CACNB4: variants seen among roughly 807,000 people sequenced by gnomAD.
The protein encoded by CACNB4 is voltage-dependent L-type calcium channel subunit beta-4.
Under a neutral mutation model 71.2 loss-of-function variants are expected in CACNB4, and 32 were observed. That is an observed-to-expected ratio of 0.45 (90% CI 0.34 to 0.60). The LOEUF (loss-of-function observed/expected upper bound fraction) is 0.60. Ranked by LOEUF, CACNB4 falls within the 20% of genes least tolerant of loss-of-function variation. The pLI, the probability that CACNB4 is intolerant of heterozygous loss-of-function variation, is 0.01. For synonymous variants in CACNB4, 231 were observed against 236.9 expected (o/e 0.97, Z 0.23); for missense variants, 464 against 647.9 (o/e 0.72, Z 3.08).
rs1487765044 is a variant in CACNB4 at position 152,098,892 on chromosome 2, G to T, written c.63+57C>A. 2 of 1,270,102 alleles carry T rather than the reference G, an allele frequency of 1.6e-6. No homozygotes were observed. Among genetic ancestry groups the T allele is most frequent in the Non-Finnish European group, 2.1e-6 (2 of 932,882 alleles). The allele number at this position is 1,270,102 out of a possible 1,614,324, so 78.7% of individuals were successfully genotyped here. A position where few individuals can be genotyped will look rare whatever the true frequency, so the allele number is the denominator to read the frequency against. On this transcript the variant is annotated intron_variant, in intron 1 of 13. Transcript: ENST00000539935. The surrounding 1 kb of genome is among the most constrained non-coding windows in gnomAD (Gnocchi z 5.3). ...GAAGGCGGGGCGCGCTAGGGCGGCG[G>T]AGGAGGTGTGAGGAAGGAAGAGGAG...
At chr2:152,016,719 A>G (rs1364242786) in intron 2 of CACNB4, among the ~76,000 whole-genome samples, 1 of 152,238 alleles carries the variant, frequency 6.6e-6, no homozygotes, top group African/African-American at 2.4e-5. Context: ...CTCAGGCACA[A>G]ATGTGGCTAG....
chr2:151,951,967 A>AAC (rs2099867010), intron 2 of CACNB4, among the ~76,000 whole-genome samples: 1 of 152,196 alleles, frequency 6.6e-6, no homozygotes, highest in South Asian at 2.1e-4. Flanking sequence ...TCTGGGTATG[A>AAC]ACATCAATTC....
chr2:152,029,503 AAAAAAAAAG>A (rs1351174704), intron 2 of CACNB4, among the ~76,000 whole-genome samples: 17 of 120,250 alleles, frequency 1.4e-4, no homozygotes, highest in East Asian at 1.2e-3. Context: ...CAAAAAAAAA[AAAAAAAAAG>A]AAAAGAAAAG....
At chr2:152,029,511 A>T in intron 2 of CACNB4, among the ~76,000 whole-genome samples, 1 of 82,626 alleles carries the variant, frequency 1.2e-5, no homozygotes, top group African/African-American at 8.8e-5. Context: ...AAAAAAAAAA[A>T]GAAAAGAAAA....
intron 11 of CACNB4, chr2:151,854,397 G>T (rs1231739708): frequency 6.6e-6 from 1 of 152,198 alleles, no homozygotes; most frequent in Non-Finnish European, 1.5e-5. Context: ...GGAAGGCTAG[G>T]ATCTCAGAAC....
chr2:151,920,137 T>C (rs549671475), intron 2 of CACNB4, among the ~76,000 whole-genome samples: 15 of 152,198 alleles, frequency 9.9e-5, no homozygotes, highest in African/African-American at 3.1e-4. Flanking sequence ...CCTTTGTAAA[T>C]AGAAATAGAA....
intron 2 of CACNB4, among the ~76,000 whole-genome samples, chr2:152,018,033 A>G (rs1683445183): frequency 6.6e-6 from 1 of 151,930 alleles, no homozygotes; most frequent in South Asian, 2.1e-4. Context: ...GGGTTTCACC[A>G]TGTTGGCCAG....
intron 9 of CACNB4, among the ~76,000 whole-genome samples, chr2:151,862,084 A>C (rs556399263): frequency 1.3e-5 from 2 of 152,278 alleles, no homozygotes; most frequent in South Asian, 4.1e-4. Flanking sequence ...GTTCCCAGAA[A>C]GGAGACAAGG....
intron 2 of CACNB4, chr2:151,973,941 A>T (rs1438400475): frequency 2.6e-5 from 34 of 1,293,730 alleles, no homozygotes; most frequent in Non-Finnish European, 3.1e-5. Flanking sequence ...TACAGAGCAC[A>T]AAAAGCAAAA....
chr2:151,903,391 C>T (rs1377571092), intron 2 of CACNB4, among the ~76,000 whole-genome samples: 3 of 151,878 alleles, frequency 2.0e-5, no homozygotes, highest in Admixed American at 6.6e-5. Context: ...TGGTGGTGCA[C>T]GCCTGTAATC....
intron 5 of CACNB4, among the ~76,000 whole-genome samples, chr2:151,875,871 C>T (rs1436318245): frequency 1.4e-4 from 20 of 142,722 alleles, no homozygotes; most frequent in Admixed American, 2.7e-4. Context: ...CCCTCCCGGA[C>T]GGGGCGGCTG....
intron 10 of CACNB4, chr2:151,858,299 TA>T (rs895717583): frequency 1.7e-4 from 26 of 152,168 alleles, no homozygotes; most frequent in African/African-American, 5.6e-4. Flanking sequence ...TTATATCCCT[TA>T]TACTCAAACC....
chr2:152,006,595 C>T (rs115674758), intron 2 of CACNB4, among the ~76,000 whole-genome samples: 2,748 of 152,044 alleles, frequency 0.018, 90 homozygotes, highest in African/African-American at 0.062. Context: ...AGGGTTTTGA[C>T]ATGGTGGCCA....
intron 2 of CACNB4, among the ~76,000 whole-genome samples, chr2:151,960,519 C>A (rs185500859): frequency 1.6e-4 from 24 of 152,324 alleles, no homozygotes; most frequent in Non-Finnish European, 3.1e-4. Context: ...ATAACCACCA[C>A]CATTGCGATC....
intron 2 of CACNB4, among the ~76,000 whole-genome samples, chr2:152,090,016 G>A (rs569956231): frequency 6.6e-6 from 1 of 152,340 alleles, no homozygotes; most frequent in South Asian, 2.1e-4. Flanking sequence ...GAATGTGAGT[G>A]AGTTGCAAGC....
intron 2 of CACNB4, among the ~76,000 whole-genome samples, chr2:151,985,873 G>A (rs996254512): frequency 2.0e-5 from 3 of 151,974 alleles, no homozygotes; most frequent in East Asian, 1.9e-4. Context: ...TCTCAACAAC[G>A]GCAGAAAATC....
chr2:151,945,036 G>A (rs757338466), intron 2 of CACNB4, among the ~76,000 whole-genome samples: 13 of 152,194 alleles, frequency 8.5e-5, no homozygotes, highest in Non-Finnish European at 1.9e-4. Flanking sequence ...GGGTAGGGGT[G>A]TAAGCTTCGC....
At chr2:151,951,460 G>T (rs2099866898) in intron 2 of CACNB4, among the ~76,000 whole-genome samples, 1 of 152,092 alleles carries the variant, frequency 6.6e-6, no homozygotes, top group African/African-American at 2.4e-5. Context: ...TTCTTTTAAG[G>T]ATGCTAAGAA....
chr2:151,854,051 G>T, intron 11 of CACNB4: 1 of 154,072 alleles, frequency 6.5e-6, no homozygotes, highest in Non-Finnish European at 1.4e-5. Flanking sequence ...TTAGTATATT[G>T]CTACATGTAA....
Sources: gnomAD v4.1 joint callset for allele counts (sites outside exome capture counted in the v4.1 genomes callset) on GRCh38, gnomAD v4.1.1 for gene constraint, Gnocchi (gnomAD v3.1) non-coding constraint, MANE v1.5 for transcripts, NCBI Gene and HGNC (gene_info 2026-07-23, HGNC 2026-07-21) for gene names.